The following MCM9 variants were observed in gnomAD, a reference collection of about 807,000 sequenced individuals.
MCM9 encodes DNA helicase MCM9.
In MCM9, 55 loss-of-function variants were observed where a neutral mutation model predicts 72.8. That is an observed-to-expected ratio of 0.76 (90% CI 0.61 to 0.95). MCM9 has a LOEUF of 0.95. Among genes scored for constraint, MCM9 ranks in the 40% least tolerant of loss-of-function variants. MCM9 has a pLI of 0.00. For missense variants in MCM9, 1,279 were observed against 1,377.0 expected (o/e 0.93, Z 1.13); for synonymous variants, 480 against 503.4 (o/e 0.95, Z 0.62).
intron 8 of MCM9, among the ~76,000 whole-genome samples, chr6:118,862,681 T>C (rs908721527): frequency 1.3e-5 from 2 of 152,066 alleles, no homozygotes; most frequent in African/African-American, 4.8e-5. Flanking sequence ...CAGCTATAAA[T>C]AGAGACATAG....
chr6:118,871,676 G>C (rs1218929365), intron 8 of MCM9, among the ~76,000 whole-genome samples: 1 of 152,112 alleles, frequency 6.6e-6, no homozygotes, highest in Non-Finnish European at 1.5e-5. Context: ...CAACACACTG[G>C]GAGGCCAAGG....
chr6:118,856,658 T>A, intron 8 of MCM9, 113 bp from the exon 9 acceptor site: 1 of 1,150,300 alleles, frequency 8.7e-7, no homozygotes, highest in Non-Finnish European at 1.2e-6. Flanking sequence ...GTGAGAAGAT[T>A]TCTTGAACAC....
chr6:118,911,938 T>C (rs1780585063), intron 7 of MCM9, 169 bp from the exon 8 acceptor site: 3 of 501,050 alleles, frequency 6.0e-6, no homozygotes, highest in Non-Finnish European at 7.0e-6. Context: ...CAGTCCTTAA[T>C]TGATTACTCA....
chr6:118,854,909 G>A (rs1430881878), intron 9 of MCM9, among the ~76,000 whole-genome samples: 1 of 151,992 alleles, frequency 6.6e-6, no homozygotes, highest in East Asian at 1.9e-4. Flanking sequence ...TGAAATATTT[G>A]TATGTCATTG....
intron 8 of MCM9, among the ~76,000 whole-genome samples, chr6:118,888,552 C>G (rs1403265043): frequency 6.6e-6 from 1 of 152,088 alleles, no homozygotes; most frequent in African/African-American, 2.4e-5. Flanking sequence ...CAATATCTTA[C>G]CCAGCAATTC....
chr6:118,895,198 G>C (rs1192515245), intron 8 of MCM9, among the ~76,000 whole-genome samples: 1 of 151,884 alleles, frequency 6.6e-6, no homozygotes, highest in Non-Finnish European at 1.5e-5. Flanking sequence ...GCCCCTCCGC[G>C]CCGCGGGCTG....
intron 8 of MCM9, among the ~76,000 whole-genome samples, chr6:118,899,475 CTT>C (rs1779660298): frequency 1.3e-5 from 2 of 152,138 alleles, no homozygotes; most frequent in Non-Finnish European, 2.9e-5. Context: ...TGGCGAGATA[CTT>C]ATATTGCCTA....
Position 118,923,835 on chromosome 6 carries a change from G to A in MCM9, c.597C>T (p.Tyr199=), listed in dbSNP as rs1299666878. Residue 199 remains tyrosine, a synonymous_variant, in exon 4 of 14, where the codon TAC becomes TAT. Coordinates refer to ENST00000619706, the MANE Select transcript of MCM9 (RefSeq NM_017696.3). The part of the protein sequence containing the change: ...LSSSPTRCRD[Y]QEIKIQEQVQ... ...CCTGTTCCTGAATTTTGATTTCCTG[G>A]TAATCTCTACACCTGGTTGGAGACG... 2.5e-6 allele frequency: 4 copies of A among 1,612,844 alleles called. No individual in the cohort carries two copies. Among genetic ancestry groups the A allele is most frequent in the Non-Finnish European group, 3.4e-6 (4 of 1,179,154 alleles).
Position 118,826,277 on chromosome 6 carries a change from C to G in MCM9, c.1831G>C (p.Gly611Arg). The change falls in exon 13 of 14, where the codon GGA becomes CGA. Residue 611 changes from glycine (G) to arginine (R), a missense_variant. Transcript: ENST00000619706. Reference protein sequence around the residue: ...ESSMQGGALLGGVNALHTSFP... With the variant: ...ESSMQGGALLRGVNALHTSFP... ...GAAGTGTGGAGGGCATTCACACCTCCTAGCAGTGCACCTCCCTGAAGGGGT... is the reference window on the plus strand; with the variant it reads ...GAAGTGTGGAGGGCATTCACACCTCGTAGCAGTGCACCTCCCTGAAGGGGT... 1.3e-6 allele frequency: 2 copies of G among 1,550,012 alleles called. No individual in the cohort carries two copies. Among genetic ancestry groups the G allele is most frequent in the Non-Finnish European group, 1.7e-6 (2 of 1,146,704 alleles).
chr6:118,866,209 C>G (rs897073276), intron 8 of MCM9, among the ~76,000 whole-genome samples: 1 of 152,198 alleles, frequency 6.6e-6, no homozygotes, highest in African/African-American at 2.4e-5. Flanking sequence ...TTTGGCCAGA[C>G]AGATTAGTGA....
At chr6:118,931,279 TA>T in intron 3 of MCM9, 140 bp downstream of exon 3, 1 of 732,800 alleles carries the variant, frequency 1.4e-6, no homozygotes, top group Non-Finnish European at 2.2e-6. Context: ...TATTCTGCTC[TA>T]AAAGAAGTGA....
intron 3 of MCM9, among the ~76,000 whole-genome samples, chr6:118,930,389 G>A (rs750910103): frequency 1.3e-5 from 2 of 152,230 alleles, no homozygotes; most frequent in Non-Finnish European, 2.9e-5. Context: ...TGGGATTACA[G>A]GCGTGAGCCA....
chr6:118,928,384 T>C (rs1782080593), intron 3 of MCM9, among the ~76,000 whole-genome samples: 1 of 151,932 alleles, frequency 6.6e-6, no homozygotes, highest in African/African-American at 2.4e-5. Context: ...GCACTCCGGC[T>C]TGGGAAACAG....
At position 118,826,858 on chromosome 6, in the gene MCM9, G is replaced by C; in HGVS notation, c.1739C>G (p.Ala580Gly). The change falls in exon 12 of 14, where the codon GCT (alanine) becomes GGT (glycine). Residue 580 changes from alanine to glycine, a missense_variant. Ala to Gly is a moderately conservative substitution (Grantham distance 60). Coordinates refer to ENST00000619706, the MANE Select transcript of MCM9 (RefSeq NM_017696.3). ...ESLIRLAEAH[A>G]RLMFRDTVTL... ...TACAGTATCACGAAACATCAGGCGA[G>C]CATGAGCTAAGAAAACAAAACACAT... 1 of 1,549,638 alleles carries C rather than the reference G, an allele frequency of 6.5e-7. No homozygotes were observed. Among genetic ancestry groups the C allele is most frequent in the Non-Finnish European group, 8.7e-7 (1 of 1,146,628 alleles).
At chr6:118,823,991 C>T (rs1232054698) in intron 13 of MCM9, among the ~76,000 whole-genome samples, 1 of 141,314 alleles carries the variant, frequency 7.1e-6, no homozygotes, top group Non-Finnish European at 1.5e-5. Context: ...TATTGGGTTA[C>T]ATTCATTCAC....
intron 6 of MCM9, among the ~76,000 whole-genome samples, chr6:118,916,355 T>C (rs576714548): frequency 3.2e-4 from 47 of 148,518 alleles, no homozygotes; most frequent in African/African-American, 1.1e-3. Flanking sequence ...GCTATACATT[T>C]ACACACACAC....
At chr6:118,824,716 A>G (rs1774052108) in intron 13 of MCM9, among the ~76,000 whole-genome samples, 1 of 152,230 alleles carries the variant, frequency 6.6e-6, no homozygotes, top group South Asian at 2.1e-4. Flanking sequence ...CATTATAATT[A>G]TCTCCTTAAG....
At chr6:118,884,707 G>C (rs1778492398) in intron 8 of MCM9, among the ~76,000 whole-genome samples, 1 of 152,066 alleles carries the variant, frequency 6.6e-6, no homozygotes, top group African/African-American at 2.4e-5. Flanking sequence ...AGAAAGAAAT[G>C]GGTTGAAAGT....
At chr6:118,917,319 G>A (rs1781044496) in intron 6 of MCM9, among the ~76,000 whole-genome samples, 1 of 152,196 alleles carries the variant, frequency 6.6e-6, no homozygotes, top group African/African-American at 2.4e-5. Context: ...TGTTTTGGCA[G>A]TGTATAAGGT....
Sources: allele counts gnomAD v4.1 joint callset (sites outside exome capture counted in the v4.1 genomes callset), GRCh38; gene constraint gnomAD v4.1.1; transcripts MANE v1.5; gene names NCBI Gene and HGNC (gene_info 2026-07-23, HGNC 2026-07-21).